The following SERPINE2 variants were observed in gnomAD, a reference collection of about 807,000 sequenced individuals.
SERPINE2 encodes serpin family E member 2, also known as glia-derived nexin.
A neutral mutation model predicts 36.3 loss-of-function variants in SERPINE2; 14 were observed. That is an observed-to-expected ratio of 0.39 (90% CI 0.25 to 0.60). The LOEUF (loss-of-function observed/expected upper bound fraction) is 0.60. SERPINE2 is among the 20% of genes least tolerant of loss of function. SERPINE2 has a pLI of 0.57. For missense variants in SERPINE2, 418 were observed against 499.6 expected (o/e 0.84, Z 1.56); for synonymous variants, 192 against 191.8 (o/e 1.00, Z -0.01).
intron 1 of SERPINE2, among the ~76,000 whole-genome samples, chr2:224,022,975 G>T (rs143140406): frequency 6.6e-6 from 1 of 152,150 alleles, no homozygotes; most frequent in South Asian, 2.1e-4. Flanking sequence ...TGTGAAGAAG[G>T]TGCCTGCTTT....
intron 1 of SERPINE2, among the ~76,000 whole-genome samples, chr2:224,021,745 G>T (rs1692008411): frequency 6.6e-6 from 1 of 152,240 alleles, no homozygotes; most frequent in Non-Finnish European, 1.5e-5. Flanking sequence ...TTAAAGTTAA[G>T]GCGGGTACAG....
chr2:223,997,868 A>T (rs963887484), intron 3 of SERPINE2, among the ~76,000 whole-genome samples: 2 of 152,162 alleles, frequency 1.3e-5, no homozygotes, highest in Admixed American at 6.5e-5. Context: ...TGGCAAGGAG[A>T]GGAGACAGTG....
chr2:224,020,383 CAG>C (rs1304976633), intron 1 of SERPINE2, among the ~76,000 whole-genome samples: 1 of 152,158 alleles, frequency 6.6e-6, no homozygotes, highest in Non-Finnish European at 1.5e-5. Context: ...CATATAAAAA[CAG>C]AATAGAAACA....
chr2:223,990,551 T>C (rs1690622033), intron 4 of SERPINE2, among the ~76,000 whole-genome samples: 1 of 152,132 alleles, frequency 6.6e-6, no homozygotes. Flanking sequence ...ATACAGTAAA[T>C]GAGGGCCCCC....
chr2:224,018,638 T>C (rs530114759), intron 1 of SERPINE2, among the ~76,000 whole-genome samples: 8 of 151,876 alleles, frequency 5.3e-5, no homozygotes, highest in African/African-American at 1.9e-4. Context: ...GAAAGATATA[T>C]AGAAGTCCCT....
At position 223,975,797 on chromosome 2, in the gene SERPINE2, A is replaced by G. The variant is rs1344622519; in HGVS notation, c.*70T>C. ...CAAAAATATTTAACAGAACTATGAAAGATGCAGGAAAGGAGTCTTTCTTCG... is the reference window on the plus strand; with the variant it reads ...CAAAAATATTTAACAGAACTATGAAGGATGCAGGAAAGGAGTCTTTCTTCG... On this transcript the variant is annotated 3_prime_UTR_variant, in exon 9 of 9. Coordinates refer to ENST00000409304, the MANE Select transcript of SERPINE2 (RefSeq NM_001136528.2). 1 of 1,255,334 alleles carries G rather than the reference A, an allele frequency of 8.0e-7. No individual in the cohort carries two copies. The highest frequency in any genetic ancestry group is 2.4e-5 in the East Asian group (1 of 42,342). The allele number at this position is 1,255,334 out of a possible 1,614,324, so 77.8% of individuals were successfully genotyped here. A position where few individuals can be genotyped will look rare whatever the true frequency, so the allele number is the denominator to read the frequency against.
At chr2:224,031,164 T>A (rs1692350679) in intron 1 of SERPINE2, 1 of 985,286 alleles carries the variant, frequency 1.0e-6, no homozygotes. Context: ...GGTTCACACA[T>A]CTACAGACCC....
intron 7 of SERPINE2, chr2:223,977,987 T>C (rs1690074941): frequency 5.7e-6 from 1 of 174,160 alleles, no homozygotes; most frequent in South Asian, 1.5e-4. Flanking sequence ...ATATTTATTG[T>C]TATTAGCTAT....
intron 1 of SERPINE2, among the ~76,000 whole-genome samples, chr2:224,003,274 G>A (rs1348629761): frequency 3.9e-5 from 6 of 152,174 alleles, no homozygotes; most frequent in African/African-American, 1.4e-4. Context: ...GGTGGGTGAA[G>A]CCGAAGGAGA....
intron 1 of SERPINE2, among the ~76,000 whole-genome samples, chr2:224,036,300 A>G (rs891718363): frequency 6.7e-5 from 10 of 148,314 alleles, no homozygotes; most frequent in Non-Finnish European, 1.4e-4. Flanking sequence ...GATGCCAGGG[A>G]GGAATAAGGA....
In SERPINE2 at chr2:224,005,065, TTATA is replaced by T. The variant is rs71058976; in HGVS notation, c.-22-3147_-22-3144del. ...ATATATTTTATATATTTTATATATA[TTATA>T]TATATATATATATATATATATATAT... On this transcript the variant is annotated intron_variant, in intron 1 of 8. Transcript: ENST00000409304. 4.6e-3 allele frequency among the ~76,000 whole-genome samples: 153 copies of T among 33,568 alleles called. 4 individuals are homozygous for T. The East Asian group carries it at 0.076, about 17-fold the overall frequency. 22.0% of individuals were successfully genotyped at this position (33,568 alleles called of 152,430 possible).
chr2:224,002,800 A>G (rs1691238741), intron 1 of SERPINE2, among the ~76,000 whole-genome samples: 2 of 150,798 alleles, frequency 1.3e-5, no homozygotes. Flanking sequence ...CCTAATCATT[A>G]TTTAATTCTC....
At chr2:223,984,149 A>C (rs1391345977) in intron 5 of SERPINE2, among the ~76,000 whole-genome samples, 3 of 152,106 alleles carry the variant, frequency 2.0e-5, no homozygotes, top group Non-Finnish European at 4.4e-5. Flanking sequence ...GAAAGGGAAC[A>C]ACATTCATTG....
intron 1 of SERPINE2, among the ~76,000 whole-genome samples, chr2:224,002,894 C>T (rs1390307077): frequency 6.6e-6 from 1 of 152,002 alleles, no homozygotes; most frequent in African/African-American, 2.4e-5. Flanking sequence ...AGGCATATGA[C>T]ATAACTGAAT....
intron 1 of SERPINE2, among the ~76,000 whole-genome samples, chr2:224,015,304 A>AT (rs907941703): frequency 1.3e-5 from 2 of 152,276 alleles, no homozygotes; most frequent in Admixed American, 1.3e-4. Flanking sequence ...GTGTGTAAGA[A>AT]TGGAAGCAGA....
chr2:224,021,128 G>T (rs1032312400), intron 1 of SERPINE2, among the ~76,000 whole-genome samples: 12 of 152,210 alleles, frequency 7.9e-5, no homozygotes, highest in African/African-American at 2.9e-4. Flanking sequence ...CAAACCTGAT[G>T]TGGTCTCATA....
At chr2:223,998,434 T>A (rs1410724017) in intron 2 of SERPINE2, 92 bp from the exon 3 acceptor site, 2 of 946,650 alleles carry the variant, frequency 2.1e-6, no homozygotes, top group African/African-American at 3.3e-5. Flanking sequence ...AAGAACAGTA[T>A]AGGCCAGGTG....
At chr2:224,027,385 A>C (rs529805585) in intron 1 of SERPINE2, among the ~76,000 whole-genome samples, 1 of 152,258 alleles carries the variant, frequency 6.6e-6, no homozygotes, top group South Asian at 2.1e-4. Context: ...TCAGGGTCAC[A>C]GACTGCTCTC....
chr2:224,002,913 C>T lies in SERPINE2; in HGVS notation c.-22-991G>A, dbSNP rs73078480. On this transcript the variant is annotated intron_variant, in intron 1 of 8. Coordinates refer to ENST00000409304, the MANE Select transcript of SERPINE2 (RefSeq NM_001136528.2). ...ATATGACATAACTGAATGGACAAGACTCTCACCCGCACTGAGCTTACAATC... is the reference window on the plus strand; with the variant it reads ...ATATGACATAACTGAATGGACAAGATTCTCACCCGCACTGAGCTTACAATC... Among the ~76,000 whole-genome samples the T allele has an allele frequency of 5.2e-3, 799 of 152,238 alleles. 9 individuals carry two copies. The highest frequency in any genetic ancestry group is 0.019 in the African/African-American group (772 of 41,520).
Sources: allele counts gnomAD v4.1 joint callset (sites outside exome capture counted in the v4.1 genomes callset), GRCh38; gene constraint gnomAD v4.1.1; transcripts MANE v1.5; gene names NCBI Gene and HGNC (gene_info 2026-07-23, HGNC 2026-07-21).